The following TIAM2 variants were observed in gnomAD, a reference collection of about 807,000 sequenced individuals.
The protein encoded by TIAM2 is rho guanine nucleotide exchange factor TIAM2.
Under a neutral mutation model 152.9 loss-of-function variants are expected in TIAM2, and 80 were observed. The observed-to-expected ratio is 0.52, with a 90% CI of 0.44 to 0.63. The LOEUF (loss-of-function observed/expected upper bound fraction) is 0.63, where lower values mean the gene tolerates loss of function less well. TIAM2 is among the 30% of genes least tolerant of loss of function. The pLI, the probability that TIAM2 is intolerant of heterozygous loss-of-function variation, is 0.00. For synonymous variants in TIAM2, 804 were observed against 838.0 expected (o/e 0.96, Z 0.70); for missense variants, 1,965 against 2,120.1 (o/e 0.93, Z 1.44).
rs1215398307 is a variant in TIAM2, at chr6:155,257,099, CAGAG to C, written c.5087_5090del (p.Glu1696AlafsTer21). 7.5e-6 allele frequency: 12 copies of C among 1,601,074 alleles called. No individual in the cohort carries two copies. Among genetic ancestry groups the C allele is most frequent in the South Asian group, 1.1e-5 (1 of 90,822 alleles). On this transcript the variant is annotated frameshift_variant, in exon 27 of 27. Transcript: ENST00000682666. LOFTEE classifies it high-confidence loss of function. ...GTCAGTGAGGAGTGTTTTTATGAAACAGAGAGCCACGGAAAATCATAGTATGATT... is the reference window on the plus strand; with the variant it reads ...GTCAGTGAGGAGTGTTTTTATGAAACAGCCACGGAAAATCATAGTATGATT...
chr6:155,175,884 G>A (rs1478601387), intron 9 of TIAM2, among the ~76,000 whole-genome samples: 1 of 152,214 alleles, frequency 6.6e-6, no homozygotes, highest in African/African-American at 2.4e-5. Context: ...TTTTCCAACA[G>A]TGTCTATGTG....
At position 155,056,333 on chromosome 6, in the gene TIAM2, G is replaced by A. The variant is rs535348267; in HGVS notation, c.-208-33956G>A. ...ACTGTCGGCGCCTACCACCATGCCC[G>A]GCTAATTTTTGTATTTTTCATAGAG... On this transcript the variant is annotated intron_variant, in intron 1 of 26. Coordinates refer to ENST00000682666, the MANE Select transcript of TIAM2 (RefSeq NM_012454.4). 6.6e-5 allele frequency among the ~76,000 whole-genome samples: 10 copies of A among 151,760 alleles called. No homozygotes were observed. In the South Asian group the frequency reaches 1.5e-3, roughly 22 times the overall value.
intron 12 of TIAM2, among the ~76,000 whole-genome samples, chr6:155,180,441 A>G (rs186627054): frequency 8.9e-4 from 135 of 152,336 alleles, no homozygotes; most frequent in Non-Finnish European, 1.4e-3. Flanking sequence ...ATACCTCCAT[A>G]GAAACACTGT....
At chr6:155,242,901 A>G (rs934688701) in intron 16 of TIAM2, among the ~76,000 whole-genome samples, 3 of 131,834 alleles carry the variant, frequency 2.3e-5, no homozygotes, top group Admixed American at 2.2e-4. Flanking sequence ...ACACCCAGCT[A>G]TTTTTTTTTT....
At chr6:155,191,550 G>GA (rs943023042) in intron 14 of TIAM2, among the ~76,000 whole-genome samples, 5 of 152,146 alleles carry the variant, frequency 3.3e-5, no homozygotes, top group African/African-American at 1.2e-4. Context: ...CCAGGACTTT[G>GA]GGAGGCTGAG....
At chr6:155,030,609 A>G (rs1229501329) in intron 1 of TIAM2, among the ~76,000 whole-genome samples, 3 of 152,140 alleles carry the variant, frequency 2.0e-5, no homozygotes, top group East Asian at 1.9e-4. Context: ...ATGCTTGCCA[A>G]TCCATGATTT....
At chr6:155,219,573 TG>T (rs1275966409) in intron 15 of TIAM2, among the ~76,000 whole-genome samples, 2 of 152,244 alleles carry the variant, frequency 1.3e-5, no homozygotes, top group African/African-American at 4.8e-5. Context: ...GTGCTGTTTT[TG>T]TTGGAGTCTC....
At position 155,164,558 on chromosome 6, in the gene TIAM2, C is replaced by T. The variant is rs772913664; in HGVS notation, c.2172C>T (p.Leu724=). 7.4e-6 allele frequency: 12 copies of T among 1,613,938 alleles called. No individual in the cohort carries two copies. The highest frequency in any genetic ancestry group is 2.7e-5 in the African/African-American group (2 of 75,024). ...AAASRPSKLA[L]GRLGILSVSS... ...CCAGCCGCCCCTCCAAGCTGGCCCT[C>T]GGCAGGCTGGGCATCTTGTCTGTTT... Residue 724 remains leucine, a synonymous_variant, in exon 8 of 27, where the codon CTC becomes CTT. Coordinates refer to ENST00000682666, the MANE Select transcript of TIAM2 (RefSeq NM_012454.4).
intron 1 of TIAM2, among the ~76,000 whole-genome samples, chr6:155,049,464 T>A (rs1318654275): frequency 6.6e-6 from 1 of 152,160 alleles, no homozygotes; most frequent in African/African-American, 2.4e-5. Flanking sequence ...GCCCACTGAG[T>A]TGCCAAGCTT....
intron 1 of TIAM2, among the ~76,000 whole-genome samples, chr6:155,087,028 T>G (rs1361764680): frequency 6.6e-6 from 1 of 152,042 alleles, no homozygotes; most frequent in Non-Finnish European, 1.5e-5. Context: ...ATTGCCTATA[T>G]CAGAAAGAGT....
At chr6:155,052,791 G>T (rs897268427) in intron 1 of TIAM2, among the ~76,000 whole-genome samples, 1 of 141,026 alleles carries the variant, frequency 7.1e-6, no homozygotes, top group Admixed American at 7.1e-5. Flanking sequence ...AAAAAAAAAA[G>T]AAAGAAATTG....
At chr6:155,134,665 A>G (rs1457906594) in intron 4 of TIAM2, among the ~76,000 whole-genome samples, 2 of 152,046 alleles carry the variant, frequency 1.3e-5, no homozygotes, top group African/African-American at 4.8e-5. Context: ...TACTAGCTAG[A>G]TGAGAAGTGT....
rs1780774392 is a variant in TIAM2, at chr6:155,176,936, C to A, written c.2482C>A (p.Pro828Thr). The A allele has an allele frequency of 1.9e-6, 3 of 1,613,602 alleles. No individual in the cohort carries two copies. Among genetic ancestry groups the A allele is most frequent in the Non-Finnish European group, 2.5e-6 (3 of 1,179,910 alleles). ...DNHGVTVGIKPEHRVEDILTL... is the reference protein window; with the variant it reads ...DNHGVTVGIKTEHRVEDILTL... ...TCACGGAGTTACTGTAGGGATCAAG[C>A]CAGAGCACAGAGTAGAAGATATTTT... is the stretch of plus-strand genomic sequence containing the variant. The change falls in exon 10 of 27, where the codon CCA (proline) becomes ACA (threonine). Residue 828 changes from proline (P) to threonine (T), a missense_variant. Coordinates refer to ENST00000682666, the MANE Select transcript of TIAM2 (RefSeq NM_012454.4).
At position 155,129,287 on chromosome 6, in the gene TIAM2, G is replaced by A; in HGVS notation, c.64G>A (p.Gly22Ser). The change falls in exon 4 of 27, where the codon GGT becomes AGT. Residue 22 changes from glycine (G) to serine (S), a missense_variant. By Grantham distance (56) the Gly-to-Ser change is moderately conservative (BLOSUM62 0). Around this residue, in one of 3 missense-constraint regions of TIAM2, gnomAD observed 1,025 missense variants for 1,119.4 expected, o/e 0.92. Transcript: ENST00000682666. This position sits in a 1 kb window ranked among gnomAD's most constrained non-coding sequence, Gnocchi z 4.8. ...TAAAAATCATAGCAATACTATTACTGGTGCTAAGCAAATTCCTTGCTCCCT... is the reference window on the plus strand; with the variant it reads ...TAAAAATCATAGCAATACTATTACTAGTGCTAAGCAAATTCCTTGCTCCCT... Reference protein sequence around the residue: ...GSKNHSNTITGAKQIPCSLKI... With the variant: ...GSKNHSNTITSAKQIPCSLKI... 6.2e-7 allele frequency: 1 copy of A among 1,614,170 alleles called. No homozygotes were observed. Among genetic ancestry groups the A allele is most frequent in the Non-Finnish European group, 8.5e-7 (1 of 1,180,048 alleles).
intron 1 of TIAM2, among the ~76,000 whole-genome samples, chr6:155,036,188 A>G (rs1397717187): frequency 6.6e-6 from 1 of 152,182 alleles, no homozygotes; most frequent in Admixed American, 6.5e-5. Flanking sequence ...GGAGGAGGGT[A>G]GTAATGTCCT....
chr6:155,252,085 A>G, intron 23 of TIAM2, 82 bp downstream of exon 23: 1 of 1,137,126 alleles, frequency 8.8e-7, no homozygotes, highest in South Asian at 1.4e-5. Flanking sequence ...AAGCCCACTG[A>G]GCACCAAGGC....
intron 15 of TIAM2, among the ~76,000 whole-genome samples, chr6:155,219,911 G>C (rs1330696512): frequency 6.6e-6 from 1 of 152,182 alleles, no homozygotes; most frequent in Non-Finnish European, 1.5e-5. Context: ...GAATCCAAAA[G>C]ACAGCGTTCC....
chr6:155,137,186 T>TC lies in TIAM2; in HGVS notation c.1206dup (p.Lys403GlnfsTer5), dbSNP rs1562328412. 6.2e-7 allele frequency: 1 copy of TC among 1,612,204 alleles called. No individual in the cohort carries two copies. Among genetic ancestry groups the TC allele is most frequent in the African/African-American group, 1.3e-5 (1 of 74,992 alleles). Reference sequence around the variant, plus strand: ...TGTGTGTTTCTCACAGGAGCCGAGGTCCAAGGAGGGCAGTGACTACTTTGA... The same window carrying TC: ...TGTGTGTTTCTCACAGGAGCCGAGGTCCCAAGGAGGGCAGTGACTACTTTGA... On this transcript the variant is annotated frameshift_variant, in exon 5 of 27. Transcript: ENST00000682666. LOFTEE classifies it high-confidence loss of function.
chr6:155,244,586 G>C, intron 17 of TIAM2, 72 bp from the exon 18 acceptor site: 1 of 1,517,016 alleles, frequency 6.6e-7, no homozygotes, highest in Non-Finnish European at 8.9e-7. Flanking sequence ...TTTATTTGTG[G>C]GCCTAAGAGT....
Sources: allele counts gnomAD v4.1 joint callset (sites outside exome capture counted in the v4.1 genomes callset), GRCh38; gene constraint gnomAD v4.1.1; regional missense constraint gnomAD v4.1.1; non-coding constraint Gnocchi (gnomAD v3.1); transcripts MANE v1.5; gene names NCBI Gene and HGNC (gene_info 2026-07-23, HGNC 2026-07-21).